RTF1: variants seen among roughly 807,000 people sequenced by gnomAD.
RTF1 encodes RTF1 homolog, Paf1/RNA polymerase II complex component, also known as RNA polymerase-associated protein RTF1 homolog.
A neutral mutation model predicts 95.7 loss-of-function variants in RTF1; 10 were observed. The ratio of observed to expected loss-of-function variants is 0.10; its 90% CI spans 0.06 to 0.18. The LOEUF is 0.18. RTF1 is among the 10% of genes least tolerant of loss of function. RTF1 has a pLI of 1.00. For synonymous variants in RTF1, 305 were observed against 311.8 expected, an observed-to-expected ratio of 0.98 and a Z score of 0.23; for missense variants, 458 against 875.6, an observed-to-expected ratio of 0.52 and a Z score of 6.02.
chr15:41,420,828 A>G (rs2050596787), intron 1 of RTF1, among the ~76,000 whole-genome samples: 1 of 152,142 alleles, frequency 6.6e-6, no homozygotes, highest in Non-Finnish European at 1.5e-5. Flanking sequence ...AGCAGTTCCC[A>G]TCCTAGACCT....
intron 13 of RTF1, 41 bp from the exon 14 acceptor site, chr15:41,477,417 C>G: frequency 6.2e-7 from 1 of 1,613,348 alleles, no homozygotes; most frequent in Non-Finnish European, 8.5e-7. Context: ...TCCCTCCCTC[C>G]CTTGTTTCAC....
intron 2 of RTF1, among the ~76,000 whole-genome samples, chr15:41,443,130 C>G (rs1349630545): frequency 6.6e-6 from 1 of 152,046 alleles, no homozygotes; most frequent in Non-Finnish European, 1.5e-5. Context: ...AAATCAGAGA[C>G]ATGCACTGAT....
Position 41,426,779 on chromosome 15 carries a change from ATATGTGTG to A in RTF1, c.198+9468_198+9475del, listed in dbSNP as rs1337173912. Among the ~76,000 whole-genome samples the A allele has an allele frequency of 7.8e-3, 609 of 77,606 alleles. 4 individuals are homozygous for A. The highest frequency in any genetic ancestry group is 0.01 in the South Asian group (23 of 2,238). The allele number at this position is 77,606 out of a possible 152,430, so 50.9% of individuals were successfully genotyped here. A position where few individuals can be genotyped will look rare whatever the true frequency, so the allele number is the denominator to read the frequency against. On this transcript the variant is annotated intron_variant, in intron 1 of 17. Coordinates refer to ENST00000389629, the MANE Select transcript of RTF1 (RefSeq NM_015138.5). The stretch of plus-strand genomic sequence containing the variant: ...TCTACTGTGCCCAGCCGCTACATAT[ATATGTGTG>A]TGTGTGTGTGTGTGTGTGTGTGTGT...
chr15:41,470,708 G>A (rs1391602192), intron 7 of RTF1, among the ~76,000 whole-genome samples: 1 of 141,784 alleles, frequency 7.1e-6, no homozygotes, highest in Non-Finnish European at 1.5e-5. Flanking sequence ...GCCCAGGCTG[G>A]AGTGCAGTGG....
intron 3 of RTF1, among the ~76,000 whole-genome samples, chr15:41,453,384 T>C (rs1016738860): frequency 9.2e-5 from 14 of 152,088 alleles, no homozygotes; most frequent in African/African-American, 3.1e-4. Flanking sequence ...CAGTAGAAAA[T>C]GTTCCTTTTC....
At chr15:41,469,745 G>A (rs1013643601) in intron 6 of RTF1, among the ~76,000 whole-genome samples, 3 of 151,610 alleles carry the variant, frequency 2.0e-5, no homozygotes, top group Non-Finnish European at 2.9e-5. Context: ...AGCTGGTCTC[G>A]AACTCCTGAC....
At chr15:41,480,393 A>T in intron 17 of RTF1, 68 bp downstream of exon 17, 7 of 1,186,380 alleles carry the variant, frequency 5.9e-6, no homozygotes, top group Non-Finnish European at 8.8e-6. Flanking sequence ...TGGGGCAACA[A>T]GGAAGCCCAC....
chr15:41,464,212 G>A (rs2050868448), intron 4 of RTF1, among the ~76,000 whole-genome samples: 2 of 151,290 alleles, frequency 1.3e-5, no homozygotes, highest in Admixed American at 6.6e-5. Context: ...CTAGAGTGGC[G>A]CAGATGAGTA....
At chr15:41,479,333 C>G (rs902719728) in intron 16 of RTF1, 135 bp downstream of exon 16, 5 of 618,002 alleles carry the variant, frequency 8.1e-6, no homozygotes, top group Admixed American at 2.9e-5. Context: ...CTTCTCCATC[C>G]CAGTTATTTA....
chr15:41,420,920 G>C (rs1363085135), intron 1 of RTF1, among the ~76,000 whole-genome samples: 1 of 152,202 alleles, frequency 6.6e-6, no homozygotes, highest in East Asian at 1.9e-4. Flanking sequence ...ATTTATGTTA[G>C]TGATTAAGAT....
intron 2 of RTF1, among the ~76,000 whole-genome samples, chr15:41,439,679 C>G (rs1446949546): frequency 2.6e-5 from 4 of 152,158 alleles, no homozygotes; most frequent in African/African-American, 7.2e-5. Context: ...GAGATGGAGT[C>G]TCACTCTTAT....
intron 2 of RTF1, among the ~76,000 whole-genome samples, chr15:41,438,733 C>G (rs1380426213): frequency 1.3e-5 from 2 of 151,704 alleles, no homozygotes; most frequent in Non-Finnish European, 2.9e-5. Context: ...TGGTGGTGCA[C>G]GCCTGTAATC....
chr15:41,441,751 A>C (rs1270553143), intron 2 of RTF1, among the ~76,000 whole-genome samples: 1 of 152,192 alleles, frequency 6.6e-6, no homozygotes, highest in Non-Finnish European at 1.5e-5. Context: ...CGTTTGAGTG[A>C]CTTTTCCCCT....
intron 1 of RTF1, 107 bp downstream of exon 1, chr15:41,417,420 C>T: frequency 2.0e-6 from 2 of 987,100 alleles, no homozygotes; most frequent in Non-Finnish European, 2.6e-6. Flanking sequence ...GCGCCCAGCT[C>T]GCCCCGTGCC....
At chr15:41,465,956 C>T (rs2050878223) in intron 5 of RTF1, among the ~76,000 whole-genome samples, 185 bp from the exon 6 acceptor site, 1 of 152,152 alleles carries the variant, frequency 6.6e-6, no homozygotes, top group Admixed American at 6.6e-5. Flanking sequence ...GCATTTTAGA[C>T]AGGGCTTACT....
chr15:41,455,527 A>C (rs1324563389), intron 3 of RTF1, among the ~76,000 whole-genome samples: 2 of 151,818 alleles, frequency 1.3e-5, no homozygotes, highest in Non-Finnish European at 2.9e-5. Context: ...TAATGGGGCC[A>C]GGTGTAGTGG....
chr15:41,476,344 C>T, intron 11 of RTF1, 102 bp from the exon 12 acceptor site: 2 of 853,290 alleles, frequency 2.3e-6, no homozygotes, highest in South Asian at 2.7e-5. Context: ...GGAAGAGCAG[C>T]CCCTTTGTAA....
rs940020079 is a variant in RTF1 at position 41,481,585 on chromosome 15, T to C, written c.*898T>C. ...CTGGCAGGTGTGGGAGGGAAGCCCA[T>C]GGCCAGGTACCAGGGAGGGCAGTGA... On this transcript the variant is annotated 3_prime_UTR_variant, in exon 18 of 18. Coordinates refer to ENST00000389629, the MANE Select transcript of RTF1 (RefSeq NM_015138.5). 12 of 152,510 alleles carry C rather than the reference T, an allele frequency of 7.9e-5. No homozygotes were observed. The highest frequency in any genetic ancestry group is 1.8e-4 in the Non-Finnish European group (12 of 68,040). 9.4% of individuals were successfully genotyped at this position (152,510 alleles called of 1,614,324 possible).
intron 2 of RTF1, among the ~76,000 whole-genome samples, chr15:41,443,981 T>G (rs1235329692): frequency 6.6e-6 from 1 of 150,622 alleles, no homozygotes; most frequent in African/African-American, 2.5e-5. Flanking sequence ...GGCAGGAGAA[T>G]GGCGTGAACC....
Sources: gnomAD v4.1 joint callset for allele counts (sites outside exome capture counted in the v4.1 genomes callset) on GRCh38, gnomAD v4.1.1 for gene constraint, MANE v1.5 for transcripts, NCBI Gene and HGNC (gene_info 2026-07-23, HGNC 2026-07-21) for gene names.